Variants in ACSM3 observed in about 807,000 individuals in gnomAD.
ACSM3 encodes the protein acyl-CoA synthetase medium chain family member 3.
ACSM3 carries 61 observed loss-of-function variants against 74.1 expected under a neutral mutation model. That is an observed-to-expected ratio of 0.82 (90% CI 0.67 to 1.02). The LOEUF (loss-of-function observed/expected upper bound fraction) is 1.02, where lower values mean the gene tolerates loss of function less well. Ranked by LOEUF, ACSM3 falls within the 50% of genes least tolerant of loss-of-function variation. The probability of loss-of-function intolerance (pLI) is 0.00; values close to 1 mark genes in which losing one functional copy is unlikely to be tolerated. For synonymous variants in ACSM3, 213 were observed against 241.5 expected (o/e 0.88, Z 1.09); for missense variants, 660 against 697.0 (o/e 0.95, Z 0.60).
At chr16:20,781,191 A>G (rs2080345771) in intron 6 of ACSM3, 61 bp downstream of exon 6, 1 of 1,580,092 alleles carries the variant, frequency 6.3e-7, no homozygotes, top group Non-Finnish European at 8.6e-7. Flanking sequence ...GGCTGACAGA[A>G]CTGGTGAATA....
chr16:20,742,680 C>T (rs1036272787), intron 1 of ACSM3, among the ~76,000 whole-genome samples: 1 of 150,784 alleles, frequency 6.6e-6, no homozygotes, highest in Admixed American at 6.6e-5. Flanking sequence ...CCAGGCCACA[C>T]GGAAGCTTCT....
chr16:20,742,813 A>ATTTTT (rs372677216), intron 1 of ACSM3, among the ~76,000 whole-genome samples: 1 of 66,812 alleles, frequency 1.5e-5, no homozygotes, highest in African/African-American at 4.3e-5. Context: ...ATATATATAT[A>ATTTTT]TTTTTTTTTT....
Position 20,777,552 on chromosome 16 carries a change from G to T in ACSM3, c.610G>T (p.Gly204Trp). Residue 204 changes from glycine to tryptophan, a missense_variant, in exon 4 of 14, where the codon GGG becomes TGG. Gly to Trp is a radical substitution (Grantham distance 184). Transcript: ENST00000289416. ...GATTGTATCAGAGAACTCCAGAGAG[G>T]GGTGGGGGAACCTCAAGGAGTTGAT... The part of the protein sequence containing the change: ...KLIVSENSRE[G>W]WGNLKELMKH... The T allele has an allele frequency of 6.2e-7, 1 of 1,614,072 alleles. No individual in the cohort carries two copies. The highest frequency in any genetic ancestry group is 2.2e-5 in the East Asian group (1 of 44,876).
At chr16:20,753,514 A>C (rs1017539649) in intron 2 of ACSM3, among the ~76,000 whole-genome samples, 1 of 151,674 alleles carries the variant, frequency 6.6e-6, no homozygotes, top group Admixed American at 6.6e-5. Context: ...TTGAAAAATT[A>C]TATTAATAGA....
At chr16:20,707,656 C>T (rs2079731786) in intron 1 of ACSM3, among the ~76,000 whole-genome samples, 1 of 152,160 alleles carries the variant, frequency 6.6e-6, no homozygotes, top group Non-Finnish European at 1.5e-5. Context: ...TGTTACCTGG[C>T]TCCAAAAGCA....
chr16:20,789,419 A>G (rs1288118157), intron 9 of ACSM3: 1 of 1,229,342 alleles, frequency 8.1e-7, no homozygotes, highest in African/African-American at 1.5e-5. Context: ...ACTGGTAGAC[A>G]CTTCAGGGAA....
Position 20,772,393 on chromosome 16 carries a change from A to T in ACSM3, c.219+2140A>T, listed in dbSNP as rs563513414. ...TTAAATTTATTATAAAATTTAAAAAATTTTAAAAATTAAAATTAAAATAAA... is the reference window on the plus strand; with the variant it reads ...TTAAATTTATTATAAAATTTAAAAATTTTTAAAAATTAAAATTAAAATAAA... On this transcript the variant is annotated intron_variant, in intron 2 of 13. Transcript: ENST00000289416. Among the ~76,000 whole-genome samples the T allele has an allele frequency of 1.0e-3, 154 of 150,584 alleles. 4 individuals are homozygous for T. In the South Asian group the frequency reaches 0.029, roughly 28 times the overall value.
rs997171134 is a variant in ACSM3 at position 20,764,030 on chromosome 16, C to G, written c.-147C>G. On this transcript the variant is annotated 5_prime_UTR_variant, in exon 1 of 14. Coordinates refer to ENST00000289416, the MANE Select transcript of ACSM3 (RefSeq NM_005622.4). ...CTCCTCCCTCTTCTTTAGACTGCCA[C>G]GAGGAAAAAGCAGATGTGAGAACTC... 1.3e-5 allele frequency: 2 copies of G among 152,152 alleles called. No homozygotes were observed. The highest frequency in any genetic ancestry group is 4.8e-5 in the African/African-American group (2 of 41,420). 9.4% of individuals were successfully genotyped at this position (152,152 alleles called of 1,614,324 possible). A position where few individuals can be genotyped will look rare whatever the true frequency, so the allele number is the denominator to read the frequency against.
At chr16:20,771,357 G>A (rs925709374) in intron 2 of ACSM3, among the ~76,000 whole-genome samples, 3 of 138,302 alleles carry the variant, frequency 2.2e-5, no homozygotes, top group Admixed American at 7.3e-5. Context: ...CACCCACCAC[G>A]CCAGGCCGAG....
intron 1 of ACSM3, chr16:20,679,785 G>A (rs2079400386): frequency 6.6e-6 from 1 of 152,128 alleles, no homozygotes; most frequent in Non-Finnish European, 1.5e-5. Context: ...GAAATAATCA[G>A]CTATATGTAT....
chr16:20,781,694 T>A lies in ACSM3; in HGVS notation c.940-14T>A. Reference sequence around the variant, plus strand: ...TTGTAGTAAGACCAAGAGTTTGCTTTTTCTAAATTGCAGACACTCTCCAAG... The same window carrying A: ...TTGTAGTAAGACCAAGAGTTTGCTTATTCTAAATTGCAGACACTCTCCAAG... On this transcript the variant is annotated splice_polypyrimidine_tract_variant and intron_variant, in intron 6 of 13. Coordinates refer to ENST00000289416, the MANE Select transcript of ACSM3 (RefSeq NM_005622.4). 4 of 1,603,374 alleles carry A rather than the reference T, an allele frequency of 2.5e-6. No individual in the cohort carries two copies. Among genetic ancestry groups the A allele is most frequent in the Non-Finnish European group, 3.4e-6 (4 of 1,170,316 alleles).
At chr16:20,738,903 CAA>C in intron 1 of ACSM3, 2 of 1,614,110 alleles carry the variant, frequency 1.2e-6, no homozygotes, top group Non-Finnish European at 1.7e-6. Context: ...ACACCTATCC[CAA>C]GTGTCCTGAT....
chr16:20,719,015 A>C (rs986746389), intron 1 of ACSM3, among the ~76,000 whole-genome samples: 5 of 152,164 alleles, frequency 3.3e-5, no homozygotes, highest in African/African-American at 1.2e-4. Flanking sequence ...TGCCAAACCC[A>C]GCCTCCCACT....
At chr16:20,761,249 T>A (rs1484953151), upstream of ACSM3, among the ~76,000 whole-genome samples, 1 of 152,212 alleles carries the variant, frequency 6.6e-6, no homozygotes, top group African/African-American at 2.4e-5. Flanking sequence ...TGTATTGATT[T>A]ATGTCTTTGC....
chr16:20,687,976 T>C (rs1275950698), intron 1 of ACSM3, among the ~76,000 whole-genome samples: 1 of 151,488 alleles, frequency 6.6e-6, no homozygotes, highest in African/African-American at 2.4e-5. Flanking sequence ...TCCCAGCTAC[T>C]CAGGAGGCTG....
intron 3 of ACSM3, among the ~76,000 whole-genome samples, chr16:20,757,116 G>A (rs1489473940): frequency 9.2e-5 from 14 of 151,508 alleles, no homozygotes; most frequent in Admixed American, 2.6e-4. Context: ...TTGGTGATGC[G>A]GGCTCTTTTT....
intron 1 of ACSM3, chr16:20,734,087 A>G (rs1199993042): frequency 6.6e-6 from 1 of 151,846 alleles, no homozygotes; most frequent in Non-Finnish European, 1.5e-5. Context: ...CAGCTTGTGT[A>G]ACAACCGATT....
chr16:20,732,465 G>T (rs1000186685), intron 1 of ACSM3, among the ~76,000 whole-genome samples: 1 of 152,020 alleles, frequency 6.6e-6, no homozygotes, highest in African/African-American at 2.4e-5. Flanking sequence ...ATAAAAAGAG[G>T]ATTTTTATGG....
At chr16:20,715,355 G>A (rs1051272077) in intron 1 of ACSM3, among the ~76,000 whole-genome samples, 5 of 152,174 alleles carry the variant, frequency 3.3e-5, no homozygotes, top group Non-Finnish European at 5.9e-5. Flanking sequence ...TGTAATCCCA[G>A]CACTTTTGGA....
Sources: allele counts gnomAD v4.1 joint callset (sites outside exome capture counted in the v4.1 genomes callset), GRCh38; gene constraint gnomAD v4.1.1; transcripts MANE v1.5; gene names NCBI Gene and HGNC (gene_info 2026-07-23, HGNC 2026-07-21).